Variants in SLC8A2 observed in about 807,000 individuals in gnomAD.
SLC8A2 encodes the protein solute carrier family 8 member A2, also known as sodium/calcium exchanger 2.
In SLC8A2, 14 loss-of-function variants were observed where a neutral mutation model predicts 70.2. The observed-to-expected ratio is 0.20, with a 90% CI of 0.13 to 0.31. The LOEUF (loss-of-function observed/expected upper bound fraction) is 0.31. Ranked by LOEUF, SLC8A2 falls within the 10% of genes least tolerant of loss-of-function variation. The pLI is 1.00. For synonymous variants in SLC8A2, 575 were observed against 594.3 expected, an observed-to-expected ratio of 0.97 and a Z score of 0.47; for missense variants, 779 against 1,320.1, an observed-to-expected ratio of 0.59 and a Z score of 6.35.
chr19:47,432,275 G>C lies in SLC8A2; in HGVS notation c.2281C>G (p.Leu761Val). 3 of 1,614,188 alleles carry C rather than the reference G, an allele frequency of 1.9e-6. No homozygotes were observed. Among genetic ancestry groups the C allele is most frequent in the Non-Finnish European group, 2.5e-6 (3 of 1,180,020 alleles). ...CFGVSILVIG[L>V]LTALIGDLAS... The stretch of plus-strand genomic sequence containing the variant: ...AGGTCCCCAATGAGGGCGGTGAGCA[G>C]GCCGATGACCAGGATGGAGACACCA... The change falls in exon 9 of 10, where the codon CTG becomes GTG. Residue 761 changes from leucine to valine, a missense_variant. By Grantham distance (32) the Leu-to-Val change is conservative. Coordinates refer to ENST00000236877, the MANE Select transcript of SLC8A2 (RefSeq NM_015063.3). This position sits in a 1 kb window ranked among gnomAD's most constrained non-coding sequence, Gnocchi z 6.2.
At chr19:47,445,622 G>A (rs1052448127) in intron 4 of SLC8A2, among the ~76,000 whole-genome samples, 1 of 152,176 alleles carries the variant, frequency 6.6e-6, no homozygotes, top group African/African-American at 2.4e-5. Context: ...GCCCATCAGA[G>A]GAAGGAAGAG....
At chr19:47,445,891 A>G (rs185111432) in intron 4 of SLC8A2, among the ~76,000 whole-genome samples, 1 of 152,192 alleles carries the variant, frequency 6.6e-6, no homozygotes, top group African/African-American at 2.4e-5. Context: ...CCCCAACCCA[A>G]GTTCTCAACA....
rs1967048931 is a variant in SLC8A2, at chr19:47,437,758, C to G, written c.2010+91G>C. 1.1e-5 allele frequency: 17 copies of G among 1,514,382 alleles called. 1 individual carries two copies. The highest frequency in any genetic ancestry group is 1.6e-5 in the Non-Finnish European group (17 of 1,093,438). 93.8% of individuals were successfully genotyped at this position (1,514,382 alleles called of 1,614,324 possible). A position where few individuals can be genotyped will look rare whatever the true frequency, so the allele number is the denominator to read the frequency against. ...ACGTGGGACCCTTCTTTGGCTTGAT[C>G]TTAGGAACCTTGTGGCTCCCCGCTT... On this transcript the variant is annotated intron_variant, in intron 7 of 9. Transcript: ENST00000236877.
intron 6 of SLC8A2, among the ~76,000 whole-genome samples, chr19:47,440,826 G>A (rs1967091298): frequency 1.3e-5 from 2 of 151,998 alleles, no homozygotes; most frequent in East Asian, 1.9e-4. Context: ...CCTGACCTCC[G>A]GTGATCCACT....
rs1235978713 is a variant in SLC8A2, at chr19:47,466,439, G to A, written c.-16-20C>T. 2.3e-6 allele frequency: 2 copies of A among 881,928 alleles called. No homozygotes were observed. Among genetic ancestry groups the A allele is most frequent in the Admixed American group, 3.0e-5 (1 of 33,882 alleles). The allele number at this position is 881,928 out of a possible 1,614,324, so 54.6% of individuals were successfully genotyped here. A position where few individuals can be genotyped will look rare whatever the true frequency, so the allele number is the denominator to read the frequency against. Reference sequence around the variant, plus strand: ...GGGGTCCTATGGGGGAGGAGGAGGAGGTCTGGGTGAGGGAAGCAAACCTCT... The same window carrying A: ...GGGGTCCTATGGGGGAGGAGGAGGAAGTCTGGGTGAGGGAAGCAAACCTCT... On this transcript the variant is annotated intron_variant, in intron 1 of 9. Transcript: ENST00000236877. The surrounding 1 kb of genome is among the most constrained non-coding windows in gnomAD (Gnocchi z 6.9).
At chr19:47,439,772 T>A (rs1967078077) in intron 6 of SLC8A2, among the ~76,000 whole-genome samples, 1 of 152,004 alleles carries the variant, frequency 6.6e-6, no homozygotes, top group African/African-American at 2.4e-5. Flanking sequence ...CAAGTGATTC[T>A]CCTGCCTTAG....
intron 3 of SLC8A2, among the ~76,000 whole-genome samples, chr19:47,454,166 C>A (rs1258641238): frequency 6.6e-6 from 1 of 152,108 alleles, no homozygotes; most frequent in African/African-American, 2.4e-5. Context: ...AAAAAACAAT[C>A]TTGGTCCTGA....
At position 47,465,899 on chromosome 19, in the gene SLC8A2, C is replaced by T. The variant is rs911363788; in HGVS notation, c.505G>A (p.Ala169Thr). ...ELGPGTIVGS[A>T]AFNMFVVIAV... is the part of the protein sequence containing the mutation. ...ATGACCACAAACATGTTGAAGGCAG[C>T]GCTGCCCACGATGGTGCCTGGGCCC... The change falls in exon 2 of 10, where the codon GCT (alanine) becomes ACT (threonine). Residue 169 changes from alanine (A) to threonine (T), a missense_variant. Ala to Thr is a moderately conservative substitution (Grantham distance 58). Coordinates refer to ENST00000236877, the MANE Select transcript of SLC8A2 (RefSeq NM_015063.3). This position sits in a 1 kb window ranked among gnomAD's most constrained non-coding sequence, Gnocchi z 5.5. 3 of 1,614,124 alleles carry T rather than the reference C, an allele frequency of 1.9e-6. No individual in the cohort carries two copies. The highest frequency in any genetic ancestry group is 2.5e-6 in the Non-Finnish European group (3 of 1,180,038).
chr19:47,442,338 C>T (rs11878780), intron 4 of SLC8A2, among the ~76,000 whole-genome samples: 22,274 of 152,130 alleles, frequency 0.15, 1,765 homozygotes, highest in African/African-American at 0.21. Context: ...AAAGTCAGAC[C>T]GCATTCCTCC....
chr19:47,467,836 CA>C (rs35745146), intron 1 of SLC8A2, among the ~76,000 whole-genome samples: 2,302 of 38,416 alleles, frequency 0.06, 19 homozygotes, highest in African/African-American at 0.14. Flanking sequence ...TCTAAAAATA[CA>C]AAAAAAAAAA....
chr19:47,465,098 A>G lies in SLC8A2; in HGVS notation c.675+631T>C, dbSNP rs1470699923. Among the ~76,000 whole-genome samples the G allele has an allele frequency of 1.3e-5, 2 of 152,228 alleles. No homozygotes were observed. Among genetic ancestry groups the G allele is most frequent in the East Asian group, 1.9e-4 (1 of 5,206 alleles). ...GAAATTGATGATGAATAATGAATGA[A>G]TTATGCAAACCGTGATTACATATCT... On this transcript the variant is annotated intron_variant, in intron 2 of 9. Coordinates refer to ENST00000236877, the MANE Select transcript of SLC8A2 (RefSeq NM_015063.3). This position sits in a 1 kb window ranked among gnomAD's most constrained non-coding sequence, Gnocchi z 5.5.
At chr19:47,434,462 G>A (rs1967001604) in intron 8 of SLC8A2, among the ~76,000 whole-genome samples, 1 of 152,194 alleles carries the variant, frequency 6.6e-6, no homozygotes. Flanking sequence ...GCTTCTGGGT[G>A]CCTATCTGTG....
chr19:47,431,377 G>T (rs536547331), intron 9 of SLC8A2, among the ~76,000 whole-genome samples: 1 of 152,086 alleles, frequency 6.6e-6, no homozygotes, highest in East Asian at 2.0e-4. Context: ...TTGGCCAGGC[G>T]TGGTGGCTCA....
At position 47,471,149 on chromosome 19, in the gene SLC8A2, G is replaced by C. The variant is rs139524297; in HGVS notation, c.-17+640C>G. Reference sequence around the variant, plus strand: ...GGGGAGGGAGGGAGAGAGAGAGAGAGAGAGAGAGACATGCGGACATGGGAA... The same window carrying C: ...GGGGAGGGAGGGAGAGAGAGAGAGACAGAGAGAGACATGCGGACATGGGAA... On this transcript the variant is annotated intron_variant, in intron 1 of 9. Coordinates refer to ENST00000236877, the MANE Select transcript of SLC8A2 (RefSeq NM_015063.3). Among the ~76,000 whole-genome samples the C allele has an allele frequency of 5.4e-3, 824 of 151,800 alleles. 5 individuals carry two copies. Among genetic ancestry groups the C allele is most frequent in the Non-Finnish European group, 9.4e-3 (641 of 67,888 alleles).
intron 3 of SLC8A2, among the ~76,000 whole-genome samples, chr19:47,452,437 AGAGAGAGAGTGTGTGTGTGTGT>A (rs1967252511): frequency 2.3e-5 from 2 of 87,266 alleles, no homozygotes; most frequent in Non-Finnish European, 4.5e-5. Context: ...AGAGAGAGAG[AGAGAGAGAGTGTGTGTGTGTGT>A]GTGTGTGTGT....
At position 47,432,353 on chromosome 19, in the gene SLC8A2, C is replaced by A; in HGVS notation, c.2203G>T (p.Val735Leu). 1.2e-6 allele frequency: 2 copies of A among 1,614,138 alleles called. No individual in the cohort carries two copies. The highest frequency in any genetic ancestry group is 1.7e-6 in the Non-Finnish European group (2 of 1,180,022). Residue 735 changes from valine (V) to leucine (L), a missense_variant, in exon 9 of 10, where the codon GTG becomes TTG. Around this residue, in one of 6 missense-constraint regions of SLC8A2, gnomAD observed 108 missense variants for 269.6 expected, o/e 0.40. Coordinates refer to ENST00000236877, the MANE Select transcript of SLC8A2 (RefSeq NM_015063.3). This position sits in a 1 kb window ranked among gnomAD's most constrained non-coding sequence, Gnocchi z 6.2. Reference sequence around the variant, plus strand: ...GTGGGGGGCACACAGGCGAAGAGCACCTTCCAGAACACCGTCAGGAAGTGC... The same window carrying A: ...GTGGGGGGCACACAGGCGAAGAGCAACTTCCAGAACACCGTCAGGAAGTGC... Reference protein sequence around the residue: ...VMHFLTVFWKVLFACVPPTEY... With the variant: ...VMHFLTVFWKLLFACVPPTEY...
chr19:47,460,847 G>A (rs1337313421), intron 2 of SLC8A2, among the ~76,000 whole-genome samples: 1 of 152,144 alleles, frequency 6.6e-6, no homozygotes, highest in African/African-American at 2.4e-5. Flanking sequence ...AGACTCGAGG[G>A]TTTGCCTTGA....
intron 2 of SLC8A2, among the ~76,000 whole-genome samples, chr19:47,458,296 T>A (rs946418411): frequency 1.2e-4 from 13 of 111,776 alleles, no homozygotes; most frequent in African/African-American, 4.6e-4. Context: ...TCCCTCTTCT[T>A]TCCCCATCTC....
At chr19:47,450,295 A>G (rs1467156039) in intron 3 of SLC8A2, among the ~76,000 whole-genome samples, 2 of 152,112 alleles carry the variant, frequency 1.3e-5, no homozygotes, top group South Asian at 2.1e-4. Context: ...GGCTGAAGTG[A>G]ATGGATGACT....
Sources: gnomAD v4.1 joint callset for allele counts (sites outside exome capture counted in the v4.1 genomes callset) on GRCh38, gnomAD v4.1.1 for gene constraint, gnomAD v4.1.1 regional missense constraint, Gnocchi (gnomAD v3.1) non-coding constraint, MANE v1.5 for transcripts, NCBI Gene and HGNC (gene_info 2026-07-23, HGNC 2026-07-21) for gene names.